Variants in SLC16A6 observed in about 807,000 individuals in gnomAD.
SLC16A6 encodes the protein solute carrier family 16 member 6, also known as monocarboxylate transporter 7.
Under a neutral mutation model 33.8 loss-of-function variants are expected in SLC16A6, and 15 were observed. The ratio of observed to expected loss-of-function variants is 0.44; its 90% CI spans 0.30 to 0.68. The LOEUF (loss-of-function observed/expected upper bound fraction) is 0.68. SLC16A6 is among the 30% of genes least tolerant of loss of function. The probability of loss-of-function intolerance (pLI) is 0.10; values close to 1 mark genes in which losing one functional copy is unlikely to be tolerated. For missense variants in SLC16A6, 451 were observed against 661.5 expected, an observed-to-expected ratio of 0.68 and a Z score of 3.49; for synonymous variants, 219 against 248.4, an observed-to-expected ratio of 0.88 and a Z score of 1.11.
chr17:68,285,900 C>T (rs371502711), intron 1 of SLC16A6, among the ~76,000 whole-genome samples: 3 of 152,024 alleles, frequency 2.0e-5, no homozygotes, highest in African/African-American at 7.2e-5. Context: ...GCTGGGATTA[C>T]AGACGCCCGC....
rs562199254 is a variant in SLC16A6, at chr17:68,289,557, C to T, written c.-8+1529G>A. Among the ~76,000 whole-genome samples the T allele has an allele frequency of 5.3e-5, 8 of 152,286 alleles. No individual in the cohort carries two copies. In the East Asian group the frequency reaches 1.5e-3, roughly 29 times the overall value. ...ATTTCTCTTCTTCTTAAAGGCGTAG[C>T]CCGGAGAACAGCTTTGACAAGTTGT... On this transcript the variant is annotated intron_variant, in intron 1 of 5. Transcript: ENST00000580666.
upstream of SLC16A6, chr17:68,291,220 A>C (rs2075973948): frequency 2.7e-5 from 4 of 149,238 alleles, no homozygotes; most frequent in South Asian, 2.2e-4. Context: ...CTCTAGCGCA[A>C]GTTGGCTCGG....
chr17:68,289,966 T>C (rs1370290066), intron 1 of SLC16A6, among the ~76,000 whole-genome samples: 3 of 152,334 alleles, frequency 2.0e-5, no homozygotes, highest in Middle Eastern at 6.8e-3. Context: ...GGATGTATTG[T>C]TGACCCCAAA....
chr17:68,271,330 C>T lies in SLC16A6; in HGVS notation c.830G>A (p.Ser277Asn), dbSNP rs782815136. ...GTCTAATAGCGGGGCTTTCTTTTCG[C>T]TTGGCCTGGGGCTGGTCTTCACCAG... Reference protein sequence around the residue: ...QVLVKTSPRPSEKKAPLLDFS... With the variant: ...QVLVKTSPRPNEKKAPLLDFS... The change falls in exon 5 of 6, where the codon AGC becomes AAC. Residue 277 changes from serine (S) to asparagine (N), a missense_variant. By Grantham distance (46) the Ser-to-Asn change is conservative. Around this residue, in one of 2 missense-constraint regions of SLC16A6, gnomAD observed 405 missense variants for 510.7 expected, o/e 0.79. Coordinates refer to ENST00000580666, the MANE Select transcript of SLC16A6 (RefSeq NM_004694.5). The surrounding 1 kb of genome is among the most constrained non-coding windows in gnomAD (Gnocchi z 5.3). The T allele has an allele frequency of 2.5e-6, 4 of 1,614,242 alleles. No individual in the cohort carries two copies. Among genetic ancestry groups the T allele is most frequent in the South Asian group, 2.2e-5 (2 of 91,090 alleles).
chr17:68,284,564 A>G (rs2075799633), intron 1 of SLC16A6, among the ~76,000 whole-genome samples: 1 of 152,200 alleles, frequency 6.6e-6, no homozygotes, highest in Non-Finnish European at 1.5e-5. Context: ...TTGAAAGTAG[A>G]AGGCAACTGA....
chr17:68,279,324 T>C (rs1192058094), intron 1 of SLC16A6, among the ~76,000 whole-genome samples: 2 of 152,032 alleles, frequency 1.3e-5, no homozygotes, highest in African/African-American at 2.4e-5. Flanking sequence ...AGTCAACTCT[T>C]CTTCCCCGCC....
rs1484858348 is a variant in SLC16A6, at chr17:68,278,263, C to T, written c.58G>A (p.Asp20Asn). 3 of 1,614,072 alleles carry T rather than the reference C, an allele frequency of 1.9e-6. No individual in the cohort carries two copies. In the Admixed American group the frequency reaches 5.0e-5, roughly 27 times the overall value. ...GCTACCGCCCAGCCCCATCCTCCAT[C>T]AGGCACTTCAGTATACACATTGGCT... ...SKANVYTEVPDGGWGWAVAVS... is the reference protein window; with the variant it reads ...SKANVYTEVPNGGWGWAVAVS... The change falls in exon 2 of 6, where the codon GAT becomes AAT. Residue 20 changes from aspartate to asparagine, a missense_variant. Physicochemically the swap from Asp to Asn is conservative, Grantham distance 23. Transcript: ENST00000580666.
chr17:68,275,538 T>G (rs1176676385), intron 2 of SLC16A6, among the ~76,000 whole-genome samples: 1 of 152,186 alleles, frequency 6.6e-6, no homozygotes, highest in East Asian at 1.9e-4. Flanking sequence ...GGAAATTTCT[T>G]GTTGACTACA....
At position 68,269,103 on chromosome 17, in the gene SLC16A6, G is replaced by A. The variant is rs781942737; in HGVS notation, c.1565C>T (p.Pro522Leu). The A allele has an allele frequency of 5.3e-6, 8 of 1,521,688 alleles. No individual in the cohort carries two copies. Among genetic ancestry groups the A allele is most frequent in the Non-Finnish European group, 6.1e-6 (7 of 1,140,184 alleles). The allele number at this position is 1,521,688 out of a possible 1,614,324, so 94.3% of individuals were successfully genotyped here. Residue 522 changes from proline (P) to leucine (L), a missense_variant, in exon 6 of 6, where the codon CCG (proline) becomes CTG (leucine). By Grantham distance (98) the Pro-to-Leu change is moderately conservative. Coordinates refer to ENST00000580666, the MANE Select transcript of SLC16A6 (RefSeq NM_004694.5). ...TTGTTGTAAGAAAGTGTGTCATACCGGCTCCATTTGCACGTGAACTCTGTG... is the reference window on the plus strand; with the variant it reads ...TTGTTGTAAGAAAGTGTGTCATACCAGCTCCATTTGCACGTGAACTCTGTG... ...NEHRVHVQME[P>L]V
At chr17:68,282,803 C>CCAGGTGTGCT (rs1305938511) in intron 1 of SLC16A6, among the ~76,000 whole-genome samples, 1 of 68,058 alleles carries the variant, frequency 1.5e-5, no homozygotes, top group Non-Finnish European at 2.9e-5. Flanking sequence ...AAAAAAAAGG[C>CCAGGTGTGCT]CAGGTGTGCT....
chr17:68,269,004 G>C lies in SLC16A6; in HGVS notation c.*92C>G. ...AAAATGTAGTTTTGAAAGTGGAGTA[G>C]AGGGGTTAGCTCCTCTGCCTCCTTG... On this transcript the variant is annotated 3_prime_UTR_variant, in exon 6 of 6. Coordinates refer to ENST00000580666, the MANE Select transcript of SLC16A6 (RefSeq NM_004694.5). The C allele has an allele frequency of 6.4e-7, 1 of 1,564,498 alleles. No individual in the cohort carries two copies. Among genetic ancestry groups the C allele is most frequent in the Non-Finnish European group, 8.6e-7 (1 of 1,156,504 alleles).
intron 1 of SLC16A6, among the ~76,000 whole-genome samples, chr17:68,289,199 G>T (rs2075910049): frequency 6.6e-6 from 1 of 152,106 alleles, no homozygotes; most frequent in South Asian, 2.1e-4. Context: ...ATTAAAAAAT[G>T]AGGTGGGAGG....
intron 1 of SLC16A6, among the ~76,000 whole-genome samples, chr17:68,287,354 C>A (rs1207838030): frequency 6.6e-6 from 1 of 151,164 alleles, no homozygotes; most frequent in African/African-American, 2.4e-5. Context: ...GAGACAGGGT[C>A]TCCCTATGTT....
intron 4 of SLC16A6, among the ~76,000 whole-genome samples, chr17:68,272,370 A>G (rs1299586818): frequency 2.7e-4 from 41 of 152,220 alleles, no homozygotes; most frequent in Admixed American, 2.7e-3. Flanking sequence ...AAATTACTAG[A>G]TTATTCTGGA....
At position 68,273,943 on chromosome 17, in the gene SLC16A6, G is replaced by A. The variant is rs1555749985; in HGVS notation, c.360C>T (p.Ala120=). The A allele has an allele frequency of 6.2e-7, 1 of 1,614,144 alleles. No individual in the cohort carries two copies. The highest frequency in any genetic ancestry group is 1.7e-5 in the Admixed American group (1 of 60,018). Residue 120 remains alanine, a synonymous_variant, in exon 3 of 6, where the codon GCC becomes GCT. Transcript: ENST00000580666. ...AACACTTACCAGAGATGATGCCGAT[G>A]GCGACGTACATATGAGAAACCTCTT... is the stretch of plus-strand genomic sequence containing the variant. The part of the protein sequence containing the change: ...FSQEVSHMYV[A]IGIISGLGYC...
At chr17:68,277,129 A>AATT (rs1295619601) in intron 2 of SLC16A6, among the ~76,000 whole-genome samples, 6 of 151,692 alleles carry the variant, frequency 4.0e-5, no homozygotes, top group Admixed American at 6.6e-5. Flanking sequence ...GTATGTCAGC[A>AATT]ATTATTATTA....
In SLC16A6 at chr17:68,271,488, A is replaced by G. The variant is rs879956624; in HGVS notation, c.672T>C (p.Tyr224=). 3.7e-6 allele frequency: 6 copies of G among 1,614,144 alleles called. No homozygotes were observed. The Admixed American group carries it at 1.0e-4, about 27-fold the overall frequency. Residue 224 remains tyrosine (Y), a synonymous_variant, in exon 5 of 6, where the codon TAT becomes TAC. Transcript: ENST00000580666. This position sits in a 1 kb window ranked among gnomAD's most constrained non-coding sequence, Gnocchi z 5.3. The stretch of plus-strand genomic sequence containing the variant: ...TTCGTGTTTTCTCATTTTCAAGCAT[A>G]TACTGCGCTTCTTTCCGATTTTCCT... ...VIQENRKEAQ[Y]MLENEKTRTS...
chr17:68,273,424 T>C (rs6501343), intron 3 of SLC16A6, among the ~76,000 whole-genome samples: 30,803 of 152,066 alleles, frequency 0.2, 3,204 homozygotes, highest in Middle Eastern at 0.28. Context: ...TCTCCCTATG[T>C]TGCCCCAGTT....
At chr17:68,270,597 C>T (rs1568403470) in intron 5 of SLC16A6, among the ~76,000 whole-genome samples, 1 of 151,734 alleles carries the variant, frequency 6.6e-6, no homozygotes, top group African/African-American at 2.4e-5. Context: ...ACTACAGACA[C>T]AGCTTCCAGT....
Sources: allele counts gnomAD v4.1 joint callset (sites outside exome capture counted in the v4.1 genomes callset), GRCh38; gene constraint gnomAD v4.1.1; regional missense constraint gnomAD v4.1.1; non-coding constraint Gnocchi (gnomAD v3.1); transcripts MANE v1.5; gene names NCBI Gene and HGNC (gene_info 2026-07-23, HGNC 2026-07-21).